CDH11: variants seen among roughly 807,000 people sequenced by gnomAD.
CDH11 encodes cadherin-11.
In CDH11, 11 loss-of-function variants were observed where a neutral mutation model predicts 67.8. The observed-to-expected ratio is 0.16, with a 90% CI of 0.10 to 0.27. The LOEUF (loss-of-function observed/expected upper bound fraction) is 0.27, where lower values mean the gene tolerates loss of function less well. CDH11 is among the 10% of genes least tolerant of loss of function. The pLI is 1.00. For missense variants in CDH11, 847 were observed against 1,031.2 expected (o/e 0.82, Z 2.45); for synonymous variants, 419 against 400.0 (o/e 1.05, Z -0.57).
At chr16:65,044,355 T>G in intron 2 of CDH11, among the ~76,000 whole-genome samples, 1 of 152,174 alleles carries the variant, frequency 6.6e-6, no homozygotes, top group East Asian at 1.9e-4. Flanking sequence ...ATTTAGAGGA[T>G]GCACAGAAAT....
intron 1 of CDH11, among the ~76,000 whole-genome samples, chr16:65,096,353 G>T (rs2074890164): frequency 6.6e-6 from 1 of 151,134 alleles, no homozygotes; most frequent in South Asian, 2.1e-4. Flanking sequence ...AGGCCAAACA[G>T]ACTACTATAT....
At chr16:65,101,562 TCTTCCCTCCCTACTCACCA>T (rs2074992687) in intron 1 of CDH11, among the ~76,000 whole-genome samples, 1 of 152,152 alleles carries the variant, frequency 6.6e-6, no homozygotes, top group Admixed American at 6.6e-5. Flanking sequence ...TCCCTTCTTC[TCTTCCCTCCCTACTCACCA>T]CTTTGTAGGC....
intron 12 of CDH11, among the ~76,000 whole-genome samples, 177 bp from the exon 13 acceptor site, chr16:64,948,276 T>G (rs2071247710): frequency 6.6e-6 from 1 of 152,218 alleles, no homozygotes; most frequent in Non-Finnish European, 1.5e-5. Context: ...GACCCCTGCC[T>G]GGCTCTTCCT....
chr16:64,950,344 T>G (rs1736077841), intron 12 of CDH11, among the ~76,000 whole-genome samples: 1 of 152,296 alleles, frequency 6.6e-6, no homozygotes, highest in Non-Finnish European at 1.5e-5. Flanking sequence ...TTGCTCCTTC[T>G]TATGGGCCTA....
Position 65,060,023 on chromosome 16 carries a change from G to A in CDH11, c.-297-6095C>T, listed in dbSNP as rs144238150. Among the ~76,000 whole-genome samples the A allele has an allele frequency of 1.7e-3, 256 of 152,178 alleles. 1 individual carries two copies. The highest frequency in any genetic ancestry group is 5.7e-3 in the African/African-American group (236 of 41,510). The stretch of plus-strand genomic sequence containing the variant: ...GAGGTACTAGAAGCTCCAGTTTTAC[G>A]TGCCATCTACTACACGCCATCGGTA... On this transcript the variant is annotated intron_variant, in intron 1 of 12. Transcript: ENST00000268603.
At chr16:65,043,360 G>A (rs2142677254) in intron 2 of CDH11, among the ~76,000 whole-genome samples, 1 of 152,240 alleles carries the variant, frequency 6.6e-6, no homozygotes, top group South Asian at 2.1e-4. Flanking sequence ...TTTACTAGGG[G>A]GTACCCTTTG....
chr16:64,991,798 C>G lies in CDH11; in HGVS notation c.781G>C (p.Val261Leu), dbSNP rs1425884496. The change falls in exon 6 of 13, where the codon GTC becomes CTC. Residue 261 changes from valine (V) to leucine (L), a missense_variant. Physicochemically the swap from Val to Leu is conservative, Grantham distance 32. This residue lies in a region of CDH11 where 235 missense variants were observed against 352.5 expected (regional missense o/e 0.67). Coordinates refer to ENST00000268603, the MANE Select transcript of CDH11 (RefSeq NM_001797.4). The part of the protein sequence containing the change: ...TTKVTITLTD[V>L]NDNPPKFPQS... The stretch of plus-strand genomic sequence containing the variant: ...GGAAACTTTGGTGGGTTGTCATTGA[C>G]ATCGGTCAGTGTGATCGTCACTTTG... 2 of 1,613,748 alleles carry G rather than the reference C, an allele frequency of 1.2e-6. No individual in the cohort carries two copies. Among genetic ancestry groups the G allele is most frequent in the African/African-American group, 2.7e-5 (2 of 74,904 alleles).
intron 1 of CDH11, among the ~76,000 whole-genome samples, chr16:65,083,250 T>G (rs1181474344): frequency 1.3e-5 from 2 of 152,176 alleles, no homozygotes; most frequent in East Asian, 3.9e-4. Flanking sequence ...CTTCCCCAGG[T>G]ATCAGGCTGC....
chr16:65,007,553 G>A (rs1255786195), intron 2 of CDH11, among the ~76,000 whole-genome samples: 3 of 152,306 alleles, frequency 2.0e-5, no homozygotes, highest in East Asian at 1.9e-4. Context: ...ATGCTAAAAT[G>A]AGGCTGTATG....
At chr16:65,104,091 CA>C (rs1360271050) in intron 1 of CDH11, among the ~76,000 whole-genome samples, 5 of 152,050 alleles carry the variant, frequency 3.3e-5, no homozygotes, top group African/African-American at 1.2e-4. Context: ...AGCTCAAAAA[CA>C]AAGGATTTGG....
chr16:65,014,639 A>G (rs1440800550), intron 2 of CDH11, among the ~76,000 whole-genome samples: 1 of 152,046 alleles, frequency 6.6e-6, no homozygotes, highest in Non-Finnish European at 1.5e-5. Flanking sequence ...GCAATAGTTC[A>G]GGTGAGAGGT....
chr16:65,101,051 C>A (rs764586678), intron 1 of CDH11, among the ~76,000 whole-genome samples: 1 of 152,142 alleles, frequency 6.6e-6, no homozygotes, highest in Non-Finnish European at 1.5e-5. Context: ...TAAAGTAATT[C>A]CTCAAATATG....
At chr16:64,996,816 A>T (rs2072779213) in intron 4 of CDH11, among the ~76,000 whole-genome samples, 1 of 152,156 alleles carries the variant, frequency 6.6e-6, no homozygotes, top group Non-Finnish European at 1.5e-5. Flanking sequence ...ACATGCTTTC[A>T]TTTATAACTG....
chr16:65,022,473 C>T (rs942064421), intron 2 of CDH11, among the ~76,000 whole-genome samples: 6 of 152,152 alleles, frequency 3.9e-5, no homozygotes, highest in African/African-American at 1.2e-4. Context: ...TCAGTATTCA[C>T]CATTGTCCTC....
At chr16:65,115,791 T>C (rs915377487) in intron 1 of CDH11, among the ~76,000 whole-genome samples, 7 of 151,234 alleles carry the variant, frequency 4.6e-5, no homozygotes, top group Admixed American at 3.3e-4. Context: ...TCAAGATTAG[T>C]TGGCCAGGTA....
chr16:64,992,790 C>T (rs1368016108), intron 5 of CDH11, 125 bp downstream of exon 5: 8 of 796,388 alleles, frequency 1.0e-5, no homozygotes, highest in Non-Finnish European at 1.4e-5. Flanking sequence ...TCACACTAAC[C>T]CTATAGGGTA....
rs73577738 is a variant in CDH11 at position 65,004,146 on chromosome 16, C to A, written c.228+496G>T. Among the ~76,000 whole-genome samples, 459 of 152,262 alleles carry A rather than the reference C, an allele frequency of 3.0e-3. 5 individuals carry two copies. The highest frequency in any genetic ancestry group is 0.011 in the African/African-American group (448 of 41,552). ...CTTTGGGAGGCTGATGAGGGAGGAT[C>A]ACTTAGGTCAGAGGTTTGAAGCCAA... On this transcript the variant is annotated intron_variant, in intron 3 of 12. Transcript: ENST00000268603.
intron 1 of CDH11, among the ~76,000 whole-genome samples, chr16:65,069,922 C>A (rs2074386693): frequency 1.3e-5 from 2 of 152,110 alleles, no homozygotes; most frequent in South Asian, 4.1e-4. Flanking sequence ...AGAACCTTGC[C>A]CCTCATGAGC....
At chr16:64,981,364 C>A (rs2072343173) in intron 8 of CDH11, 1 of 152,040 alleles carries the variant, frequency 6.6e-6, no homozygotes, top group Admixed American at 6.5e-5. Context: ...CCTTAGCCTT[C>A]CCAAAGTGAT....
Sources: allele counts gnomAD v4.1 joint callset (sites outside exome capture counted in the v4.1 genomes callset), GRCh38; gene constraint gnomAD v4.1.1; regional missense constraint gnomAD v4.1.1; transcripts MANE v1.5; gene names NCBI Gene and HGNC (gene_info 2026-07-23, HGNC 2026-07-21).